Variants in PRKD1 observed in about 807,000 individuals in gnomAD.
PRKD1 encodes protein kinase D1, also known as serine/threonine-protein kinase D1.
PRKD1 carries 63 observed loss-of-function variants against 95.9 expected under a neutral mutation model. That is an observed-to-expected ratio of 0.66 (90% CI 0.54 to 0.81). PRKD1 has a LOEUF of 0.81. Ranked by LOEUF, PRKD1 falls within the 30% of genes least tolerant of loss-of-function variation. The probability of loss-of-function intolerance (pLI) is 0.00; values close to 1 mark genes in which losing one functional copy is unlikely to be tolerated. For synonymous variants in PRKD1, 425 were observed against 423.1 expected (o/e 1.00, Z -0.05); for missense variants, 1,048 against 1,165.3 (o/e 0.90, Z 1.47).
At chr14:29,862,363 T>G (rs1275005672) in intron 1 of PRKD1, among the ~76,000 whole-genome samples, 1 of 152,178 alleles carries the variant, frequency 6.6e-6, no homozygotes, top group Non-Finnish European at 1.5e-5. Flanking sequence ...ACTGATTTCC[T>G]TTTCGGGGAG....
intron 16 of PRKD1, among the ~76,000 whole-genome samples, chr14:29,595,179 T>C (rs1893256911): frequency 6.6e-6 from 1 of 152,196 alleles, no homozygotes; most frequent in African/African-American, 2.4e-5. Context: ...TAGACATTTC[T>C]ATAGCCAAGT....
intron 2 of PRKD1, among the ~76,000 whole-genome samples, chr14:29,708,715 TG>T (rs1458241395): frequency 6.6e-6 from 1 of 152,086 alleles, no homozygotes; most frequent in Non-Finnish European, 1.5e-5. Context: ...TAGCCGGGCA[TG>T]GTGGCTCGCA....
At chr14:29,755,060 A>T (rs1887634796) in intron 1 of PRKD1, among the ~76,000 whole-genome samples, 2 of 152,018 alleles carry the variant, frequency 1.3e-5, no homozygotes, top group African/African-American at 4.8e-5. Context: ...TTTTCCGTTA[A>T]AATTTCTAGT....
intron 4 of PRKD1, among the ~76,000 whole-genome samples, chr14:29,645,479 A>C (rs890972717): frequency 6.6e-6 from 1 of 152,290 alleles, no homozygotes; most frequent in East Asian, 1.9e-4. Flanking sequence ...AGCAAATGTT[A>C]ATCTTTTATT....
intron 2 of PRKD1, among the ~76,000 whole-genome samples, chr14:29,679,931 G>A (rs1168197884): frequency 6.6e-6 from 1 of 151,938 alleles, no homozygotes; most frequent in Non-Finnish European, 1.5e-5. Context: ...GCTTGAACAA[G>A]AAATAGAATT....
chr14:29,909,986 C>T (rs540268443), intron 1 of PRKD1, among the ~76,000 whole-genome samples: 89 of 152,304 alleles, frequency 5.8e-4, no homozygotes, highest in African/African-American at 2.1e-3. Context: ...GACCAATCAG[C>T]TCTCTGTAAA....
At chr14:29,647,925 G>A (rs188796263) in intron 4 of PRKD1, among the ~76,000 whole-genome samples, 1 of 152,210 alleles carries the variant, frequency 6.6e-6, no homozygotes, top group African/African-American at 2.4e-5. Context: ...GCTTACAGAA[G>A]CCAGAACAAA....
In PRKD1 at chr14:29,625,104, T is replaced by C. The variant is rs45540038; in HGVS notation, c.1799-846A>G. 7.9e-3 allele frequency among the ~76,000 whole-genome samples: 1,210 copies of C among 152,318 alleles called. 8 individuals are homozygous for C. The highest frequency in any genetic ancestry group is 0.017 in the Middle Eastern group (5 of 294). On this transcript the variant is annotated intron_variant, in intron 12 of 17. Transcript: ENST00000331968. The stretch of plus-strand genomic sequence containing the variant: ...AGTCTTCCAACACTTGTAAAGCTAG[T>C]GTTCACTCACCTTATATCCCACTCT...
intron 1 of PRKD1, among the ~76,000 whole-genome samples, chr14:29,859,014 T>A (rs1385939197): frequency 6.6e-6 from 1 of 152,160 alleles, no homozygotes; most frequent in East Asian, 1.9e-4. Context: ...TACAAAAAGG[T>A]CTTTACTACT....
At chr14:29,877,748 T>C (rs1407212546) in intron 1 of PRKD1, among the ~76,000 whole-genome samples, 2 of 152,194 alleles carry the variant, frequency 1.3e-5, no homozygotes, top group East Asian at 3.9e-4. Context: ...TGGCACTTCC[T>C]TAAAGAGCTA....
At position 29,892,450 on chromosome 14, in the gene PRKD1, A is replaced by C. The variant is rs867801246; in HGVS notation, c.264+34799T>G. ...ATGGCCACCCATACAAAAAAAAAAA[A>C]AAAACAGCATTACACATCATCTCTT... On this transcript the variant is annotated intron_variant, in intron 1 of 17. Transcript: ENST00000331968. Among the ~76,000 whole-genome samples, 7 of 152,110 alleles carry C rather than the reference A, an allele frequency of 4.6e-5. No individual in the cohort carries two copies. In the East Asian group the frequency reaches 1.2e-3, roughly 25 times the overall value.
chr14:29,893,327 CAA>C (rs1331899874), intron 1 of PRKD1, among the ~76,000 whole-genome samples: 1 of 151,294 alleles, frequency 6.6e-6, no homozygotes, highest in Non-Finnish European at 1.5e-5. Flanking sequence ...TGTTAATAAC[CAA>C]AGTTATTCTT....
At chr14:29,922,180 A>T (rs1394971134) in intron 1 of PRKD1, among the ~76,000 whole-genome samples, 5 of 152,036 alleles carry the variant, frequency 3.3e-5, no homozygotes, top group Non-Finnish European at 7.4e-5. Context: ...AGGCGCCTGT[A>T]GTCCCAGCTA....
At chr14:29,912,204 C>T (rs1195727567) in intron 1 of PRKD1, among the ~76,000 whole-genome samples, 1 of 152,110 alleles carries the variant, frequency 6.6e-6, no homozygotes, top group African/African-American at 2.4e-5. Context: ...TACAAAGTCC[C>T]ATTTGACCTA....
At chr14:29,605,973 A>G (rs2139032731) in intron 13 of PRKD1, among the ~76,000 whole-genome samples, 1 of 152,264 alleles carries the variant, frequency 6.6e-6, no homozygotes, top group Non-Finnish European at 1.5e-5. Context: ...AAATTTCAGG[A>G]GTCTGATGAC....
intron 1 of PRKD1, among the ~76,000 whole-genome samples, chr14:29,896,106 G>T (rs979115824): frequency 5.9e-5 from 9 of 152,120 alleles, no homozygotes; most frequent in Admixed American, 1.3e-4. Flanking sequence ...TAGAACAAAT[G>T]AGTGAATAAA....
chr14:29,674,775 G>A (rs1215040316), intron 2 of PRKD1, among the ~76,000 whole-genome samples: 1 of 152,180 alleles, frequency 6.6e-6, no homozygotes, highest in Non-Finnish European at 1.5e-5. Context: ...ACAAAGGCTA[G>A]GTACAGTATT....
chr14:29,640,898 G>C (rs1376144055), intron 4 of PRKD1, among the ~76,000 whole-genome samples: 1 of 152,144 alleles, frequency 6.6e-6, no homozygotes, highest in African/African-American at 2.4e-5. Context: ...TGTGCTAACA[G>C]AGCCAGTTTG....
intron 2 of PRKD1, among the ~76,000 whole-genome samples, chr14:29,692,258 G>A (rs935474969): frequency 3.3e-5 from 5 of 151,342 alleles, no homozygotes; most frequent in African/African-American, 1.2e-4. Context: ...TGCACCTGTT[G>A]GATGATTCCA....
Sources: allele counts gnomAD v4.1 joint callset (sites outside exome capture counted in the v4.1 genomes callset), GRCh38; gene constraint gnomAD v4.1.1; transcripts MANE v1.5; gene names NCBI Gene and HGNC (gene_info 2026-07-23, HGNC 2026-07-21).